ATP11A: variants seen among roughly 807,000 people sequenced by gnomAD.
The protein encoded by ATP11A is ATPase phospholipid transporting 11A.
A neutral mutation model predicts 154.4 loss-of-function variants in ATP11A; 81 were observed. The observed-to-expected ratio is 0.52, with a 90% CI of 0.44 to 0.63. The LOEUF is 0.63. ATP11A is among the 30% of genes least tolerant of loss of function. ATP11A has a pLI of 0.00. For synonymous variants in ATP11A, 623 were observed against 585.9 expected (o/e 1.06, Z -0.91); for missense variants, 1,316 against 1,474.3 (o/e 0.89, Z 1.76).
chr13:112,692,164 G>A (rs1885274701), intron 1 of ATP11A, among the ~76,000 whole-genome samples: 1 of 152,200 alleles, frequency 6.6e-6, no homozygotes, highest in Non-Finnish European at 1.5e-5. Context: ...CAGAAGTGTG[G>A]GTCCCTAGAC....
intron 18 of ATP11A, among the ~76,000 whole-genome samples, chr13:112,853,676 C>T (rs1028254415): frequency 1.3e-5 from 2 of 152,150 alleles, no homozygotes; most frequent in African/African-American, 4.8e-5. Flanking sequence ...CGTCCTTACT[C>T]GTGACATCAT....
At chr13:112,771,303 G>A (rs2077219934) in intron 1 of ATP11A, among the ~76,000 whole-genome samples, 1 of 152,166 alleles carries the variant, frequency 6.6e-6, no homozygotes, top group South Asian at 2.1e-4. Flanking sequence ...CCTTACTGGG[G>A]CAACGAGGGG....
chr13:112,770,635 T>C (rs2094809), intron 1 of ATP11A, among the ~76,000 whole-genome samples: 78,218 of 151,928 alleles, frequency 0.51, 20,985 homozygotes, highest in African/African-American at 0.67. Flanking sequence ...GGTGGAAACG[T>C]GGTCCACCTG....
intron 1 of ATP11A, among the ~76,000 whole-genome samples, chr13:112,751,658 AAAAACAAAACAAAAC>A (rs910520013): frequency 6.6e-6 from 1 of 151,756 alleles, no homozygotes; most frequent in Non-Finnish European, 1.5e-5. Flanking sequence ...GCTCCATCTC[AAAAACAAAACAAAAC>A]AAAACAAAAA....
At position 112,719,730 on chromosome 13, in the gene ATP11A, CA is replaced by C. The variant is rs143522340; in HGVS notation, c.39+29276del. Among the ~76,000 whole-genome samples, 607 of 152,268 alleles carry C rather than the reference CA, an allele frequency of 4.0e-3. 4 individuals carry two copies. The highest frequency in any genetic ancestry group is 0.014 in the African/African-American group (573 of 41,542). On this transcript the variant is annotated intron_variant, in intron 1 of 29. Transcript: ENST00000375645. ...TTTGTCACTTGCTGACTCAGGTCAA[CA>C]GAATCTCCTATTTTTGAGAAAAACC...
Position 112,875,935 on chromosome 13 carries a change from A to G in ATP11A, c.3321A>G (p.Arg1107=), listed in dbSNP as rs1328565172. 3.7e-6 allele frequency: 6 copies of G among 1,610,922 alleles called. No individual in the cohort carries two copies. The highest frequency in any genetic ancestry group is 4.2e-6 in the Non-Finnish European group (5 of 1,179,930). Reference sequence around the variant, plus strand: ...AGCTGTGGCCAACAGCAACAGAGAGAGTCCAGGTACGGAGTGTCCCCAGCC... The same window carrying G: ...AGCTGTGGCCAACAGCAACAGAGAGGGTCCAGGTACGGAGTGTCCCCAGCC... ...CRQLWPTATE[R]VQTKSQCLSV... Residue 1107 remains arginine, a synonymous_variant, in exon 28 of 30, where the codon AGA becomes AGG. Coordinates refer to ENST00000375645, the MANE Select transcript of ATP11A (RefSeq NM_015205.3). This position sits in a 1 kb window ranked among gnomAD's most constrained non-coding sequence, Gnocchi z 4.1.
Position 112,810,620 on chromosome 13 carries a change from G to T in ATP11A, c.335G>T (p.Gly112Val). ...CCCTTCTTTCCTTCCTTTTTTTAGG[G>T]TTATGAAGACTGGCTTCGACATAAA... Reference protein sequence around the residue: ...FVITVTAIKQGYEDWLRHKAD... With the variant: ...FVITVTAIKQVYEDWLRHKAD... The change falls in exon 5 of 30, where the codon GGT (glycine) becomes GTT (valine). Residue 112 changes from glycine to valine, a missense_variant and splice_region_variant. By Grantham distance (109) the Gly-to-Val change is moderately radical (BLOSUM62 -3). Transcript: ENST00000375645. 6.2e-7 allele frequency: 1 copy of T among 1,612,120 alleles called. No individual in the cohort carries two copies. Among genetic ancestry groups the T allele is most frequent in the Non-Finnish European group, 8.5e-7 (1 of 1,179,094 alleles).
chr13:112,874,483 G>A (rs1387469170), intron 27 of ATP11A, among the ~76,000 whole-genome samples: 1 of 152,178 alleles, frequency 6.6e-6, no homozygotes, highest in Non-Finnish European at 1.5e-5. Context: ...TGTAAGCCAG[G>A]AAACGACGCT....
chr13:112,861,749 G>A (rs2080108681), intron 24 of ATP11A, among the ~76,000 whole-genome samples: 1 of 152,216 alleles, frequency 6.6e-6, no homozygotes, highest in South Asian at 2.1e-4. Context: ...TGAGTTGGTT[G>A]TACATCTTTA....
intron 1 of ATP11A, among the ~76,000 whole-genome samples, chr13:112,776,753 C>T (rs2139979771): frequency 6.6e-6 from 1 of 152,130 alleles, no homozygotes; most frequent in East Asian, 1.9e-4. Flanking sequence ...TGTGCCACCA[C>T]TCCTGCCTAA....
rs536195689 is a variant in ATP11A at position 112,738,942 on chromosome 13, C to G, written c.40-46193C>G. Among the ~76,000 whole-genome samples, 167 of 152,248 alleles carry G rather than the reference C, an allele frequency of 1.1e-3. 3 individuals carry two copies. The South Asian group carries it at 0.034, about 31-fold the overall frequency. Reference sequence around the variant, plus strand: ...CTTGGGGTAGGAAGTGGCGTCTCACCTGTCTCACCTACTCCATGGAGCCTA... The same window carrying G: ...CTTGGGGTAGGAAGTGGCGTCTCACGTGTCTCACCTACTCCATGGAGCCTA... On this transcript the variant is annotated intron_variant, in intron 1 of 29. Transcript: ENST00000375645.
Position 112,886,967 on chromosome 13 carries a change from T to A in ATP11A, c.*5101T>A, listed in dbSNP as rs986858866. The A allele has an allele frequency of 1.1e-4, 16 of 152,238 alleles. No homozygotes were observed. The highest frequency in any genetic ancestry group is 3.6e-4 in the African/African-American group (15 of 41,458). The allele number at this position is 152,238 out of a possible 1,614,324, so 9.4% of individuals were successfully genotyped here. ...TAATTCATTAATCAGCTTTGAAAAATTAAATTGTTAATTAAACCAATCTAA... is the reference window on the plus strand; with the variant it reads ...TAATTCATTAATCAGCTTTGAAAAAATAAATTGTTAATTAAACCAATCTAA... On this transcript the variant is annotated 3_prime_UTR_variant, in exon 30 of 30. Coordinates refer to ENST00000375645, the MANE Select transcript of ATP11A (RefSeq NM_015205.3).
At chr13:112,788,779 G>A (rs1430416463) in intron 2 of ATP11A, among the ~76,000 whole-genome samples, 1 of 147,726 alleles carries the variant, frequency 6.8e-6, no homozygotes, top group African/African-American at 2.5e-5. Context: ...GTGTCCTGGC[G>A]TGTAAACCCC....
intron 16 of ATP11A, among the ~76,000 whole-genome samples, chr13:112,839,435 T>C (rs1009707010): frequency 2.0e-5 from 3 of 152,088 alleles, no homozygotes; most frequent in Non-Finnish European, 4.4e-5. Flanking sequence ...ACGCCTGGCT[T>C]TCCATGTCCT....
chr13:112,838,604 G>A lies in ATP11A; in HGVS notation c.1705+2353G>A, dbSNP rs2079306051. 6.6e-6 allele frequency among the ~76,000 whole-genome samples: 1 copy of A among 152,208 alleles called. No individual in the cohort carries two copies. The highest frequency in any genetic ancestry group is 2.1e-4 in the South Asian group (1 of 4,828). On this transcript the variant is annotated intron_variant, in intron 16 of 29. Coordinates refer to ENST00000375645, the MANE Select transcript of ATP11A (RefSeq NM_015205.3). The surrounding 1 kb of genome is among the most constrained non-coding windows in gnomAD (Gnocchi z 7.3). ...ACCTCAGGGCATTGTGGGCTATGCC[G>A]TGGAATCTTTGTAAATAACTTCTGT...
At chr13:112,773,701 G>A (rs539686320) in intron 1 of ATP11A, among the ~76,000 whole-genome samples, 5 of 152,232 alleles carry the variant, frequency 3.3e-5, no homozygotes, top group Admixed American at 2.6e-4. Flanking sequence ...CAGCTGTGGC[G>A]CTGGGCTCCA....
rs1003714437 is a variant in ATP11A at position 112,854,588 on chromosome 13, A to G, written c.2243+58A>G. On this transcript the variant is annotated intron_variant, in intron 19 of 29. Transcript: ENST00000375645. ...CTCCCGCAAAAGGGGCTTCAGACCC[A>G]GTGGCCTTCACCTGCAAGTCGGGGA... 26 of 1,553,666 alleles carry G rather than the reference A, an allele frequency of 1.7e-5. 1 individual carries two copies. Among genetic ancestry groups the G allele is most frequent in the South Asian group, 7.0e-5 (6 of 86,274 alleles).
intron 1 of ATP11A, among the ~76,000 whole-genome samples, chr13:112,778,362 A>G (rs677970): frequency 1.4e-4 from 22 of 152,382 alleles, no homozygotes; most frequent in African/African-American, 5.3e-4. Flanking sequence ...ATGCTGTGTA[A>G]GAAATGGCAA....
chr13:112,838,369 C>CG lies in ATP11A; in HGVS notation c.1705+2122dup, dbSNP rs2079299415. Among the ~76,000 whole-genome samples, 1 of 151,752 alleles carries CG rather than the reference C, an allele frequency of 6.6e-6. No homozygotes were observed. The highest frequency in any genetic ancestry group is 1.5e-5 in the Non-Finnish European group (1 of 67,952). ...GCTGGAACATGCTGCCCGTGACCTG[C>CG]GGGGCTGACTCACGTGGTTTTCCCC... is the stretch of plus-strand genomic sequence containing the variant. On this transcript the variant is annotated intron_variant, in intron 16 of 29. Coordinates refer to ENST00000375645, the MANE Select transcript of ATP11A (RefSeq NM_015205.3). This position sits in a 1 kb window ranked among gnomAD's most constrained non-coding sequence, Gnocchi z 7.3.
Sources: gnomAD v4.1 joint callset for allele counts (sites outside exome capture counted in the v4.1 genomes callset) on GRCh38, gnomAD v4.1.1 for gene constraint, Gnocchi (gnomAD v3.1) non-coding constraint, MANE v1.5 for transcripts, NCBI Gene and HGNC (gene_info 2026-07-23, HGNC 2026-07-21) for gene names.